NTM: variants seen among roughly 807,000 people sequenced by gnomAD.
The protein encoded by NTM is neurotrimin.
In NTM, 13 loss-of-function variants were observed where a neutral mutation model predicts 42.1. That is an observed-to-expected ratio of 0.31 (90% CI 0.20 to 0.49). The LOEUF (loss-of-function observed/expected upper bound fraction) is 0.49, where lower values mean the gene tolerates loss of function less well. Among genes scored for constraint, NTM ranks in the 20% least tolerant of loss-of-function variants. NTM has a pLI of 0.99. For missense variants in NTM, 373 were observed against 452.8 expected, an observed-to-expected ratio of 0.82 and a Z score of 1.60; for synonymous variants, 187 against 179.2, an observed-to-expected ratio of 1.04 and a Z score of -0.35.
intron 1 of NTM, among the ~76,000 whole-genome samples, chr11:131,407,677 T>C (rs1945944308): frequency 6.6e-6 from 1 of 152,234 alleles, no homozygotes; most frequent in Admixed American, 6.5e-5. Context: ...GGGTCATCCC[T>C]GATGGGTATA....
At chr11:132,320,651 G>C (rs1247341555) in intron 7 of NTM, among the ~76,000 whole-genome samples, 2 of 152,196 alleles carry the variant, frequency 1.3e-5, no homozygotes, top group Non-Finnish European at 1.5e-5. Context: ...CAGCCAGAAA[G>C]CTCGAACTGG....
At chr11:131,984,632 T>C (rs2065787239) in intron 2 of NTM, 1 of 152,174 alleles carries the variant, frequency 6.6e-6, no homozygotes, top group African/African-American at 2.4e-5. Flanking sequence ...TGAGTGCATG[T>C]TGGGGTGTTT....
At chr11:132,174,476 G>T (rs2076517917) in intron 3 of NTM, among the ~76,000 whole-genome samples, 1 of 152,212 alleles carries the variant, frequency 6.6e-6, no homozygotes, top group Non-Finnish European at 1.5e-5. Flanking sequence ...CAGAATCGAT[G>T]CTAGTGCAGT....
intron 1 of NTM, among the ~76,000 whole-genome samples, chr11:131,526,585 A>G (rs2050516906): frequency 1.3e-5 from 2 of 152,216 alleles, no homozygotes; most frequent in Non-Finnish European, 2.9e-5. Flanking sequence ...AATTGACTTA[A>G]GTAGAGGCAG....
chr11:131,625,432 T>G (rs2063002022), intron 1 of NTM, among the ~76,000 whole-genome samples: 1 of 152,026 alleles, frequency 6.6e-6, no homozygotes, highest in Non-Finnish European at 1.5e-5. Flanking sequence ...CTTCTTGGGA[T>G]TAATAGAAAT....
intron 1 of NTM, chr11:131,794,399 C>T: frequency 1.3e-6 from 1 of 773,022 alleles, no homozygotes; most frequent in Non-Finnish European, 1.6e-6. Context: ...CTAAAACTCA[C>T]CTTCCATCTA....
Position 132,134,751 on chromosome 11 carries a change from A to ATC in NTM, c.168-11530_168-11529insCT, listed in dbSNP as rs1566260080. On this transcript the variant is annotated intron_variant, in intron 2 of 8. Coordinates refer to ENST00000683400, the MANE Select transcript of NTM (RefSeq NM_001352005.2). ...TATATATATATATATATATATATAT[A>ATC]TATATATATCTCACATTTTCTTTAT... Among the ~76,000 whole-genome samples, 70 of 89,036 alleles carry ATC rather than the reference A, an allele frequency of 7.9e-4. 1 individual carries two copies. The highest frequency in any genetic ancestry group is 4.9e-3 in the South Asian group (14 of 2,836). The allele number at this position is 89,036 out of a possible 152,430, so 58.4% of individuals were successfully genotyped here.
chr11:132,197,466 T>G (rs1369951089), intron 3 of NTM, among the ~76,000 whole-genome samples: 1 of 151,354 alleles, frequency 6.6e-6, no homozygotes, highest in Non-Finnish European at 1.5e-5. Context: ...TAGGTATTGT[T>G]TTTTTTTTAA....
At chr11:131,484,750 T>G (rs1045037715) in intron 1 of NTM, among the ~76,000 whole-genome samples, 1 of 152,218 alleles carries the variant, frequency 6.6e-6, no homozygotes, top group African/African-American at 2.4e-5. Context: ...TTTTGCATGC[T>G]CTTCCTTCAT....
intron 1 of NTM, among the ~76,000 whole-genome samples, chr11:131,622,227 A>G (rs1414899810): frequency 1.3e-5 from 2 of 152,244 alleles, no homozygotes; most frequent in African/African-American, 4.8e-5. Flanking sequence ...CATCTATTAA[A>G]TATAATGTGA....
intron 1 of NTM, among the ~76,000 whole-genome samples, chr11:131,511,256 C>G (rs1565583297): frequency 1.3e-5 from 2 of 152,156 alleles, no homozygotes; most frequent in Non-Finnish European, 2.9e-5. Context: ...AGCAGAGATT[C>G]AGGAGGAGCC....
At chr11:131,849,091 T>G (rs1026623081) in intron 1 of NTM, among the ~76,000 whole-genome samples, 1 of 152,132 alleles carries the variant, frequency 6.6e-6, no homozygotes, top group Non-Finnish European at 1.5e-5. Context: ...TTTTTAAGCT[T>G]CCCTATTTTG....
At chr11:132,318,950 TCA>T (rs1490973860) in intron 7 of NTM, among the ~76,000 whole-genome samples, 1 of 152,002 alleles carries the variant, frequency 6.6e-6, no homozygotes, top group Admixed American at 6.5e-5. Context: ...GCTGCATTAC[TCA>T]CTTTAGTGAT....
intron 1 of NTM, among the ~76,000 whole-genome samples, chr11:131,408,332 T>A (rs962827074): frequency 6.6e-6 from 1 of 152,210 alleles, no homozygotes; most frequent in Admixed American, 6.5e-5. Flanking sequence ...GTGGAAGTAC[T>A]ATGACAGAGG....
At chr11:132,183,812 C>G (rs1280878551) in intron 3 of NTM, among the ~76,000 whole-genome samples, 1 of 151,946 alleles carries the variant, frequency 6.6e-6, no homozygotes, top group African/African-American at 2.4e-5. Flanking sequence ...TTTCAAATGA[C>G]ACCTGTGTTG....
At chr11:131,424,600 C>CTTTCTTTTTTTTTTTTTT (rs1947878678) in intron 1 of NTM, among the ~76,000 whole-genome samples, 1 of 56,050 alleles carries the variant, frequency 1.8e-5, no homozygotes. Context: ...CTTTTCTTTT[C>CTTTCTTTTTTTTTTTTTT]TTTTTTTTTT....
intron 1 of NTM, among the ~76,000 whole-genome samples, chr11:131,592,432 G>A (rs1189102987): frequency 6.6e-6 from 1 of 150,712 alleles, no homozygotes; most frequent in Non-Finnish European, 1.5e-5. Flanking sequence ...GACTTGTTTA[G>A]TAAACAGGGC....
chr11:132,036,354 G>T (rs1201020994), intron 2 of NTM, among the ~76,000 whole-genome samples: 3 of 152,148 alleles, frequency 2.0e-5, no homozygotes, highest in Non-Finnish European at 4.4e-5. Flanking sequence ...CAGCATGGGG[G>T]AAATTGGGTG....
chr11:132,178,681 G>T (rs1226772236), intron 3 of NTM, among the ~76,000 whole-genome samples: 1 of 152,096 alleles, frequency 6.6e-6, no homozygotes, highest in Non-Finnish European at 1.5e-5. Context: ...TGAATCATTT[G>T]CTCGTCTTAA....
Sources: gnomAD v4.1 joint callset for allele counts (sites outside exome capture counted in the v4.1 genomes callset) on GRCh38, gnomAD v4.1.1 for gene constraint, MANE v1.5 for transcripts, NCBI Gene and HGNC (gene_info 2026-07-23, HGNC 2026-07-21) for gene names.